PTPRO: variants seen among roughly 807,000 people sequenced by gnomAD.
PTPRO encodes receptor-type tyrosine-protein phosphatase O.
Under a neutral mutation model 145.2 loss-of-function variants are expected in PTPRO, and 62 were observed. The observed-to-expected ratio is 0.43, with a 90% CI of 0.35 to 0.53. The LOEUF (loss-of-function observed/expected upper bound fraction) is 0.53. Among genes scored for constraint, PTPRO ranks in the 20% least tolerant of loss-of-function variants. The probability of loss-of-function intolerance (pLI) is 0.01; values close to 1 mark genes in which losing one functional copy is unlikely to be tolerated. For missense variants in PTPRO, 1,345 were observed against 1,482.7 expected, an observed-to-expected ratio of 0.91 and a Z score of 1.53; for synonymous variants, 565 against 514.7, an observed-to-expected ratio of 1.10 and a Z score of -1.32.
At chr12:15,462,356 C>T (rs1197577731) in intron 1 of PTPRO, among the ~76,000 whole-genome samples, 1 of 152,108 alleles carries the variant, frequency 6.6e-6, no homozygotes, top group Non-Finnish European at 1.5e-5. Flanking sequence ...AAACTCCTGA[C>T]CTCAAGTGAC....
chr12:15,568,772 T>C (rs1216047046), intron 18 of PTPRO, among the ~76,000 whole-genome samples: 1 of 151,996 alleles, frequency 6.6e-6, no homozygotes, highest in African/African-American at 2.4e-5. Context: ...TTTCCATACT[T>C]TTATAGATAT....
intron 24 of PTPRO, 35 bp from the exon 25 acceptor site, chr12:15,589,419 AT>A (rs1455583703): frequency 1.2e-6 from 2 of 1,613,420 alleles, no homozygotes; most frequent in South Asian, 2.2e-5. Context: ...AAGAAGCACC[AT>A]CTGAATAATA....
chr12:15,440,081 C>T (rs778634498), intron 1 of PTPRO: 35 of 631,998 alleles, frequency 5.5e-5, no homozygotes, highest in Middle Eastern at 4.2e-4. Flanking sequence ...GGTGACAGAC[C>T]GCTGCAGCTC....
At chr12:15,343,979 C>A (rs906601999) in intron 1 of PTPRO, among the ~76,000 whole-genome samples, 7 of 152,186 alleles carry the variant, frequency 4.6e-5, no homozygotes, top group Non-Finnish European at 8.8e-5. Flanking sequence ...CCACCGCGCC[C>A]GGCCATAAAT....
intron 1 of PTPRO, among the ~76,000 whole-genome samples, chr12:15,413,904 G>C (rs2136316386): frequency 6.6e-6 from 1 of 151,950 alleles, no homozygotes; most frequent in South Asian, 2.1e-4. Context: ...GCATTCCTCA[G>C]CTAAAAAAAA....
At chr12:15,390,774 G>A (rs1003730337) in intron 1 of PTPRO, among the ~76,000 whole-genome samples, 2 of 101,016 alleles carry the variant, frequency 2.0e-5, no homozygotes, top group East Asian at 2.5e-4. Flanking sequence ...GATGGTCTGA[G>A]AGGATAAGAA....
intron 2 of PTPRO, among the ~76,000 whole-genome samples, chr12:15,493,606 C>T (rs1028339913): frequency 6.6e-6 from 1 of 152,138 alleles, no homozygotes; most frequent in African/African-American, 2.4e-5. Context: ...ACATTTCACA[C>T]ACCTCAGAGT....
chr12:15,413,661 G>T (rs565532761), intron 1 of PTPRO, among the ~76,000 whole-genome samples: 1 of 151,626 alleles, frequency 6.6e-6, no homozygotes. Context: ...CTAAAAATAC[G>T]AAAATTAGCC....
chr12:15,502,930 A>G (rs1351121939), intron 5 of PTPRO, among the ~76,000 whole-genome samples: 2 of 152,138 alleles, frequency 1.3e-5, no homozygotes, highest in African/African-American at 4.8e-5. Flanking sequence ...TTTAAGGCCC[A>G]TGTAGTCTCA....
rs546242349 is a variant in PTPRO at position 15,440,079 on chromosome 12, A to AC, written c.76-43893dup. On this transcript the variant is annotated intron_variant, in intron 1 of 26. Transcript: ENST00000281171. The stretch of plus-strand genomic sequence containing the variant: ...CACACTGTCCCTTGCAAGGTGACAG[A>AC]CCGCTGCAGCTCTGTGCTGGTGCAC... 83 of 634,348 alleles carry AC rather than the reference A, an allele frequency of 1.3e-4. No individual in the cohort carries two copies. In the East Asian group the frequency reaches 1.7e-3, roughly 13 times the overall value. 39.3% of individuals were successfully genotyped at this position (634,348 alleles called of 1,614,324 possible). A position where few individuals can be genotyped will look rare whatever the true frequency, so the allele number is the denominator to read the frequency against.
intron 1 of PTPRO, among the ~76,000 whole-genome samples, chr12:15,428,362 C>T (rs2136336776): frequency 6.6e-6 from 1 of 152,156 alleles, no homozygotes; most frequent in East Asian, 1.9e-4. Flanking sequence ...GCATAGAGGT[C>T]ATGCATGGTG....
chr12:15,484,314 G>A (rs532476165), intron 2 of PTPRO, 67 bp downstream of exon 2: 29 of 1,577,694 alleles, frequency 1.8e-5, no homozygotes, highest in Middle Eastern at 1.7e-4. Context: ...CGTAGGGCTC[G>A]AATTGACAGA....
chr12:15,439,180 A>G (rs901638781), intron 1 of PTPRO, among the ~76,000 whole-genome samples: 3 of 152,328 alleles, frequency 2.0e-5, no homozygotes, highest in Middle Eastern at 3.4e-3. Flanking sequence ...ACAAAGGTTT[A>G]TAAGTGAAAG....
chr12:15,331,339 C>T lies in PTPRO; in HGVS notation c.75+8538C>T, dbSNP rs141198713. 3.8e-3 allele frequency among the ~76,000 whole-genome samples: 584 copies of T among 152,092 alleles called. 8 individuals carry two copies. The highest frequency in any genetic ancestry group is 0.013 in the African/African-American group (548 of 41,464). ...GGAGACTGGGAGGTATAAATGCTTC[C>T]GGGAATTGAAGAATAAAAAAGCAGC... On this transcript the variant is annotated intron_variant, in intron 1 of 26. Coordinates refer to ENST00000281171, the MANE Select transcript of PTPRO (RefSeq NM_030667.3).
intron 3 of PTPRO, among the ~76,000 whole-genome samples, chr12:15,498,400 A>G (rs1942150857): frequency 6.6e-6 from 1 of 152,144 alleles, no homozygotes. Flanking sequence ...ACTAAAACAT[A>G]CAAAAAATCT....
chr12:15,488,196 C>G (rs80151006), intron 2 of PTPRO, among the ~76,000 whole-genome samples: 29 of 152,218 alleles, frequency 1.9e-4, no homozygotes, highest in African/African-American at 6.7e-4. Flanking sequence ...AGAGAAAACA[C>G]GTATTGATTT....
At chr12:15,482,613 T>C (rs1274510824) in intron 1 of PTPRO, among the ~76,000 whole-genome samples, 1 of 152,156 alleles carries the variant, frequency 6.6e-6, no homozygotes, top group East Asian at 1.9e-4. Context: ...TGTATATATG[T>C]ATCAAAATAT....
At chr12:15,361,014 T>C (rs967038358) in intron 1 of PTPRO, among the ~76,000 whole-genome samples, 6 of 148,052 alleles carry the variant, frequency 4.1e-5, no homozygotes, top group African/African-American at 1.5e-4. Flanking sequence ...TTTTAACTTA[T>C]AAACATATAG....
intron 25 of PTPRO, among the ~76,000 whole-genome samples, chr12:15,591,907 T>G (rs1297256752): frequency 6.6e-6 from 1 of 151,916 alleles, no homozygotes; most frequent in Non-Finnish European, 1.5e-5. Context: ...AATTATGAAA[T>G]AATTAAATAA....
Sources: gnomAD v4.1 joint callset for allele counts (sites outside exome capture counted in the v4.1 genomes callset) on GRCh38, gnomAD v4.1.1 for gene constraint, MANE v1.5 for transcripts, NCBI Gene and HGNC (gene_info 2026-07-23, HGNC 2026-07-21) for gene names.